DYSF: variants seen among roughly 807,000 people sequenced by gnomAD.
DYSF encodes dystrophy-associated fer-1-like 1.
In DYSF, 212 loss-of-function variants were observed where a neutral mutation model predicts 274.9. The ratio of observed to expected loss-of-function variants is 0.77; its 90% confidence interval spans 0.69 to 0.86. The LOEUF is 0.86. DYSF is among the 40% of genes least tolerant of loss of function. The pLI is 0.00. For synonymous variants in DYSF, 1,091 were observed against 1,078.7 expected (o/e 1.01, Z -0.22); for missense variants, 2,666 against 2,783.2 (o/e 0.96, Z 0.95).
chr2:71,479,021 C>A (rs1013909902), intron 1 of DYSF, among the ~76,000 whole-genome samples: 36 of 152,002 alleles, frequency 2.4e-4, no homozygotes. Context: ...CCTACTGGGG[C>A]TCCTGGGAGA....
intron 12 of DYSF, among the ~76,000 whole-genome samples, chr2:71,524,880 G>T (rs556861914): frequency 5.8e-4 from 89 of 152,290 alleles, no homozygotes; most frequent in African/African-American, 2.0e-3. Context: ...TCTGCTTCCA[G>T]CCTGTGTTAC....
intron 16 of DYSF, among the ~76,000 whole-genome samples, chr2:71,536,132 G>A (rs2089312058): frequency 6.6e-6 from 1 of 152,180 alleles, no homozygotes; most frequent in African/African-American, 2.4e-5. Flanking sequence ...GGAATATTCG[G>A]GGTCCACACG....
intron 3 of DYSF, among the ~76,000 whole-genome samples, chr2:71,496,701 G>T (rs1248731590): frequency 6.6e-6 from 1 of 152,082 alleles, no homozygotes; most frequent in Non-Finnish European, 1.5e-5. Flanking sequence ...AGGCCTGCTG[G>T]TAAGTGAGGA....
intron 19 of DYSF, among the ~76,000 whole-genome samples, chr2:71,552,468 G>A (rs996933686): frequency 2.0e-5 from 3 of 152,188 alleles, no homozygotes; most frequent in Non-Finnish European, 2.9e-5. Flanking sequence ...TCTCTCAGTC[G>A]TAGGATTGAG....
At chr2:71,597,907 C>T (rs976773335) in intron 32 of DYSF, among the ~76,000 whole-genome samples, 1 of 151,850 alleles carries the variant, frequency 6.6e-6, no homozygotes, top group Non-Finnish European at 1.5e-5. Context: ...CCTCATGCTC[C>T]CTCCAGTCTG....
At chr2:71,560,418 C>T (rs2091652905) in intron 22 of DYSF, among the ~76,000 whole-genome samples, 1 of 35,236 alleles carries the variant, frequency 2.8e-5, no homozygotes, top group Non-Finnish European at 7.1e-5. Context: ...CCCAGGCAGG[C>T]CCCCGCCCCG....
Position 71,602,666 on chromosome 2 carries a change from G to T in DYSF, c.3928-110G>T, listed in dbSNP as rs1053181195. 3.8e-5 allele frequency: 45 copies of T among 1,183,202 alleles called. No homozygotes were observed. In the Middle Eastern group the frequency reaches 6.5e-4, roughly 17 times the overall value. 73.3% of individuals were successfully genotyped at this position (1,183,202 alleles called of 1,614,324 possible). A position where few individuals can be genotyped will look rare whatever the true frequency, so the allele number is the denominator to read the frequency against. ...TCCTCTTAGTGGTGGCATCTGGCAT[G>T]CTGACCTCTGGCCCCGCCTAGTGCG... On this transcript the variant is annotated intron_variant, in intron 35 of 55. Coordinates refer to ENST00000410020, the MANE Select transcript of DYSF (RefSeq NM_001130987.2).
At chr2:71,618,378 T>G (rs1213005226) in intron 40 of DYSF, among the ~76,000 whole-genome samples, 9 of 41,978 alleles carry the variant, frequency 2.1e-4, no homozygotes, top group Admixed American at 3.5e-4. Flanking sequence ...GTGGCATGTG[T>G]GGTAGAGGTG....
intron 3 of DYSF, among the ~76,000 whole-genome samples, chr2:71,489,082 A>G (rs1329708424): frequency 2.0e-5 from 3 of 152,190 alleles, no homozygotes; most frequent in East Asian, 1.9e-4. Flanking sequence ...CCTTGGGCAG[A>G]TCACTACACT....
chr2:71,549,741 G>C (rs1237972411), intron 17 of DYSF, among the ~76,000 whole-genome samples: 1 of 152,108 alleles, frequency 6.6e-6, no homozygotes, highest in African/African-American at 2.4e-5. Flanking sequence ...TGTTTCAGGG[G>C]CCAGGAGGAG....
At chr2:71,552,882 C>A in intron 19 of DYSF, 129 bp from the exon 20 acceptor site, 1 of 899,520 alleles carries the variant, frequency 1.1e-6, no homozygotes, top group Non-Finnish European at 1.8e-6. Flanking sequence ...CTACTTGCCA[C>A]CCGTCAGTCC....
intron 48 of DYSF, among the ~76,000 whole-genome samples, chr2:71,667,726 G>A (rs1314895050): frequency 2.0e-5 from 3 of 152,086 alleles, no homozygotes; most frequent in African/African-American, 7.2e-5. Context: ...CATCCCTCAG[G>A]GCCTGCGAAA....
chr2:71,542,226 A>G (rs1437703563), intron 17 of DYSF, among the ~76,000 whole-genome samples: 2 of 152,190 alleles, frequency 1.3e-5, no homozygotes, highest in Non-Finnish European at 2.9e-5. Flanking sequence ...TCTAGTACAC[A>G]ATAACCTTAA....
At chr2:71,604,251 C>T (rs1351037678) in intron 36 of DYSF, among the ~76,000 whole-genome samples, 1 of 152,202 alleles carries the variant, frequency 6.6e-6, no homozygotes, top group Non-Finnish European at 1.5e-5. Context: ...ATGTCCTTCT[C>T]ACTTGAAGGC....
intron 40 of DYSF, among the ~76,000 whole-genome samples, chr2:71,614,241 T>A (rs1259556164): frequency 6.6e-6 from 1 of 152,146 alleles, no homozygotes; most frequent in Non-Finnish European, 1.5e-5. Context: ...GTCACCCTCC[T>A]CTCTGGGCTT....
chr2:71,619,946 T>C (rs1004613208), intron 40 of DYSF, among the ~76,000 whole-genome samples: 6 of 152,182 alleles, frequency 3.9e-5, no homozygotes. Context: ...GAGCTGATGC[T>C]CAGAAAAGGA....
Position 71,516,998 on chromosome 2 carries a change from T to C in DYSF, c.961T>C (p.Ser321Pro), listed in dbSNP as rs398123808. 2.5e-6 allele frequency: 4 copies of C among 1,614,066 alleles called. No individual in the cohort carries two copies. The highest frequency in any genetic ancestry group is 3.4e-6 in the Non-Finnish European group (4 of 1,180,040). Reference protein sequence around the residue: ...DEPIFITVVDSRSLRTDALLG... With the variant: ...DEPIFITVVDPRSLRTDALLG... ...TGATCTTTCTCTGCAGGTGGTAGAC[T>C]CTCGTTCTCTCAGGACAGATGCTCT... Residue 321 changes from serine (S) to proline (P), a missense_variant, in exon 10 of 56, where the codon TCT becomes CCT. Ser to Pro is a moderately conservative substitution (Grantham distance 74). Transcript: ENST00000410020.
intron 1 of DYSF, among the ~76,000 whole-genome samples, chr2:71,467,808 T>C (rs2081646591): frequency 6.6e-6 from 1 of 152,052 alleles, no homozygotes; most frequent in Non-Finnish European, 1.5e-5. Flanking sequence ...GAATCGATAA[T>C]AATAATAATA....
At position 71,623,670 on chromosome 2, in the gene DYSF, G is replaced by A. The variant is rs187147344; in HGVS notation, c.4527+3061G>A. 3.6e-3 allele frequency among the ~76,000 whole-genome samples: 554 copies of A among 151,850 alleles called. 1 individual carries two copies. The highest frequency in any genetic ancestry group is 0.013 in the African/African-American group (535 of 41,388). On this transcript the variant is annotated intron_variant, in intron 41 of 55. Coordinates refer to ENST00000410020, the MANE Select transcript of DYSF (RefSeq NM_001130987.2). The stretch of plus-strand genomic sequence containing the variant: ...TATTAAAATTTGATGAGAACTTAAC[G>A]ATACTTGCAAAAAAAAAATCTGAGT...
Sources: allele counts gnomAD v4.1 joint callset (sites outside exome capture counted in the v4.1 genomes callset), GRCh38; gene constraint gnomAD v4.1.1; transcripts MANE v1.5; gene names NCBI Gene and HGNC (gene_info 2026-07-23, HGNC 2026-07-21).